The following SEMA3E variants were observed in gnomAD, a reference collection of about 807,000 sequenced individuals.
SEMA3E encodes semaphorin 3E.
SEMA3E carries 49 observed loss-of-function variants against 93.6 expected under a neutral mutation model. The observed-to-expected ratio is 0.52, with a 90% CI of 0.42 to 0.66. The LOEUF (loss-of-function observed/expected upper bound fraction) is 0.66, where lower values mean the gene tolerates loss of function less well. Among genes scored for constraint, SEMA3E ranks in the 30% least tolerant of loss-of-function variants. The pLI, the probability that SEMA3E is intolerant of heterozygous loss-of-function variation, is 0.00. For missense variants in SEMA3E, 906 were observed against 964.8 expected (o/e 0.94, Z 0.81); for synonymous variants, 363 against 330.7 (o/e 1.10, Z -1.06).
At position 83,485,996 on chromosome 7, in the gene SEMA3E, C is replaced by T. The variant is rs1024864801; in HGVS notation, c.276+4118G>A. ...TGGCTACATTTTCAAGGTGTTTGAT[C>T]TGAAGGAAAGATGTATCACCGGGTA... is the stretch of plus-strand genomic sequence containing the variant. On this transcript the variant is annotated intron_variant, in intron 2 of 16. Transcript: ENST00000643230. Among the ~76,000 whole-genome samples, 3 of 151,964 alleles carry T rather than the reference C, an allele frequency of 2.0e-5. No homozygotes were observed. The East Asian group carries it at 5.8e-4, about 29-fold the overall frequency.
intron 1 of SEMA3E, among the ~76,000 whole-genome samples, chr7:83,532,204 T>G (rs1791317664): frequency 6.6e-6 from 1 of 152,198 alleles, no homozygotes; most frequent in South Asian, 2.1e-4. Context: ...CTTGATTCCT[T>G]ATTTTCTTGG....
In SEMA3E at chr7:83,443,821, A is replaced by T. The variant is rs62460807; in HGVS notation, c.456+22661T>A. 2.1e-3 allele frequency among the ~76,000 whole-genome samples: 318 copies of T among 152,080 alleles called. 1 individual carries two copies. The highest frequency in any genetic ancestry group is 3.5e-3 in the Non-Finnish European group (235 of 67,958). ...TTCTATTCAGAAGCATCTTTTATTG[A>T]TTTATATTAATGCAACAACTATTTA... On this transcript the variant is annotated intron_variant, in intron 4 of 16. Transcript: ENST00000643230.
At chr7:83,621,062 T>C (rs1044294597) in intron 1 of SEMA3E, among the ~76,000 whole-genome samples, 7 of 152,130 alleles carry the variant, frequency 4.6e-5, no homozygotes, top group Non-Finnish European at 1.0e-4. Context: ...ATTGTCTTTT[T>C]TTGCAGATGA....
chr7:83,610,113 T>C (rs1309639679), intron 1 of SEMA3E, among the ~76,000 whole-genome samples: 1 of 152,152 alleles, frequency 6.6e-6, no homozygotes, highest in East Asian at 1.9e-4. Flanking sequence ...AAGACTTTAT[T>C]AAGAATATAA....
At position 83,364,151 on chromosome 7, in the gene SEMA3E, C is replaced by T. The variant is rs1794630918; in HGVS notation, c.*3435G>A. On this transcript the variant is annotated 3_prime_UTR_variant, in exon 17 of 17. Coordinates refer to ENST00000643230, the MANE Select transcript of SEMA3E (RefSeq NM_012431.3). ...CCTCATGATCCACCCGCCTCGGCCTCCCAAAGTGCTGGGATTACAGGCGTG... is the reference window on the plus strand; with the variant it reads ...CCTCATGATCCACCCGCCTCGGCCTTCCAAAGTGCTGGGATTACAGGCGTG... 1 of 151,936 alleles carries T rather than the reference C, an allele frequency of 6.6e-6. No homozygotes were observed. The highest frequency in any genetic ancestry group is 2.4e-5 in the African/African-American group (1 of 41,350). 9.4% of individuals were successfully genotyped at this position (151,936 alleles called of 1,614,324 possible).
intron 14 of SEMA3E, among the ~76,000 whole-genome samples, chr7:83,387,567 C>A (rs1369015407): frequency 6.6e-6 from 1 of 151,714 alleles, no homozygotes; most frequent in Admixed American, 6.6e-5. Flanking sequence ...AAGACATAAA[C>A]TAATAATATA....
intron 1 of SEMA3E, among the ~76,000 whole-genome samples, chr7:83,605,775 C>A (rs1366350448): frequency 1.3e-5 from 2 of 152,054 alleles, no homozygotes; most frequent in Non-Finnish European, 2.9e-5. Flanking sequence ...ATTCTTTGCC[C>A]ACCTTTTGAT....
At chr7:83,646,619 T>C (rs1459675106) in intron 1 of SEMA3E, among the ~76,000 whole-genome samples, 3 of 152,082 alleles carry the variant, frequency 2.0e-5, no homozygotes, top group Admixed American at 1.3e-4. Context: ...ATTGTACATA[T>C]AGATACTAGC....
intron 1 of SEMA3E, among the ~76,000 whole-genome samples, chr7:83,503,835 G>A (rs574447003): frequency 2.6e-5 from 4 of 152,250 alleles, no homozygotes; most frequent in South Asian, 4.1e-4. Context: ...ATGTTGCTAC[G>A]TGGCACAAGA....
At chr7:83,459,418 A>C (rs1207205286) in intron 4 of SEMA3E, among the ~76,000 whole-genome samples, 5 of 152,198 alleles carry the variant, frequency 3.3e-5, no homozygotes, top group Non-Finnish European at 5.9e-5. Context: ...TTTCTAGCAG[A>C]TTTGCATCAC....
intron 16 of SEMA3E, among the ~76,000 whole-genome samples, chr7:83,369,267 T>C (rs1433765528): frequency 6.6e-6 from 1 of 152,208 alleles, no homozygotes; most frequent in Non-Finnish European, 1.5e-5. Context: ...ATGATAAGCA[T>C]GTTTTTGTCC....
intron 4 of SEMA3E, among the ~76,000 whole-genome samples, chr7:83,455,540 G>A (rs1239173806): frequency 4.6e-5 from 7 of 152,302 alleles, no homozygotes; most frequent in Middle Eastern, 3.4e-3. Flanking sequence ...TGCTTATGAT[G>A]TTCAAGAATC....
At chr7:83,552,294 T>C (rs1027686512) in intron 1 of SEMA3E, among the ~76,000 whole-genome samples, 5 of 152,204 alleles carry the variant, frequency 3.3e-5, no homozygotes, top group African/African-American at 7.2e-5. Context: ...TAATTTCTTA[T>C]GCCTGTCTTT....
chr7:83,372,312 A>T (rs984112856), intron 16 of SEMA3E: 1 of 397,856 alleles, frequency 2.5e-6, no homozygotes. Context: ...GCATACAAAC[A>T]TCCTTATTGA....
chr7:83,623,156 A>G (rs1793600788), intron 1 of SEMA3E, among the ~76,000 whole-genome samples: 1 of 152,146 alleles, frequency 6.6e-6, no homozygotes, highest in Admixed American at 6.6e-5. Context: ...TATTTTAGGA[A>G]TTCATACATG....
At chr7:83,631,260 T>C (rs1793779689) in intron 1 of SEMA3E, among the ~76,000 whole-genome samples, 1 of 152,256 alleles carries the variant, frequency 6.6e-6, no homozygotes, top group African/African-American at 2.4e-5. Context: ...TTTCATTTAC[T>C]ATAAGTCTGT....
Position 83,490,060 on chromosome 7 carries a change from T to G in SEMA3E, c.276+54A>C, listed in dbSNP as rs1452257488. 3 of 1,562,650 alleles carry G rather than the reference T, an allele frequency of 1.9e-6. No homozygotes were observed. The Admixed American group carries it at 5.0e-5, about 26-fold the overall frequency. On this transcript the variant is annotated intron_variant, in intron 2 of 16. Transcript: ENST00000643230. Reference sequence around the variant, plus strand: ...TTAAAAAAAAGACAAGTAACATTCTTGAAATTTCCCCCCTTTTCTATCTCT... The same window carrying G: ...TTAAAAAAAAGACAAGTAACATTCTGGAAATTTCCCCCCTTTTCTATCTCT...
chr7:83,538,989 T>C (rs2115754631), intron 1 of SEMA3E, among the ~76,000 whole-genome samples: 1 of 152,282 alleles, frequency 6.6e-6, no homozygotes, highest in Admixed American at 6.5e-5. Context: ...GTAAGACTCA[T>C]AGCTGTCTGC....
rs563568556 is a variant in SEMA3E, at chr7:83,636,278, C to T, written c.115+12150G>A. ...GGAAGAGTTGAAGCCAAACTAGTGC[C>T]TAATATGTTGCAAAAGGGGCAGAAG... On this transcript the variant is annotated intron_variant, in intron 1 of 16. Transcript: ENST00000643230. Among the ~76,000 whole-genome samples, 58 of 152,178 alleles carry T rather than the reference C, an allele frequency of 3.8e-4. 1 individual carries two copies. The highest frequency in any genetic ancestry group is 3.4e-3 in the Middle Eastern group (1 of 292).
Sources: allele counts gnomAD v4.1 joint callset (sites outside exome capture counted in the v4.1 genomes callset), GRCh38; gene constraint gnomAD v4.1.1; transcripts MANE v1.5; gene names NCBI Gene and HGNC (gene_info 2026-07-23, HGNC 2026-07-21).